Variants in METTL15 observed in about 807,000 individuals in gnomAD.
METTL15 encodes methyltransferase 15, mitochondrial 12S rRNA N4-cytidine, also known as 12S rRNA N(4)-cytidine methyltransferase METTL15.
METTL15 carries 34 observed loss-of-function variants against 38.3 expected under a neutral mutation model. The ratio of observed to expected loss-of-function variants is 0.89; its 90% CI spans 0.68 to 1.18. METTL15 has a LOEUF of 1.18. Among genes scored for constraint, METTL15 ranks in the 50% most tolerant of loss-of-function variants. The pLI is 0.00. For missense variants in METTL15, 438 were observed against 498.4 expected, an observed-to-expected ratio of 0.88 and a Z score of 1.15; for synonymous variants, 162 against 170.9, an observed-to-expected ratio of 0.95 and a Z score of 0.41.
intron 5 of METTL15, among the ~76,000 whole-genome samples, chr11:28,294,572 G>C (rs1479697754): frequency 1.3e-5 from 2 of 152,148 alleles, no homozygotes; most frequent in South Asian, 4.1e-4. Flanking sequence ...GTCTAGTTCT[G>C]TTGGCAGTTA....
chr11:28,350,701 A>G (rs1850033162), intron 3 of METTL15, among the ~76,000 whole-genome samples: 1 of 152,220 alleles, frequency 6.6e-6, no homozygotes, highest in Admixed American at 6.5e-5. Context: ...CATTGTGAAA[A>G]GGGATAAATA....
chr11:28,400,517 T>G (rs1034340779), intron 5 of METTL15, among the ~76,000 whole-genome samples: 1 of 151,958 alleles, frequency 6.6e-6, no homozygotes, highest in Non-Finnish European at 1.5e-5. Context: ...GGAGATCTGA[T>G]GTGGATAAAT....
chr11:28,237,599 A>G lies in METTL15; in HGVS notation c.407+26401A>G, dbSNP rs182421336. ...GATCGTCTGAAGCCTTCTTCTCTCA[A>G]CTCGTCAAAGTCATTCTCCGTCCAG... On this transcript the variant is annotated intron_variant, in intron 4 of 6. Transcript: ENST00000407364. 4.4e-3 allele frequency among the ~76,000 whole-genome samples: 673 copies of G among 151,994 alleles called. 3 individuals carry two copies. The highest frequency in any genetic ancestry group is 0.015 in the African/African-American group (629 of 41,450).
intron 3 of METTL15, among the ~76,000 whole-genome samples, chr11:28,129,343 T>C (rs1343846799): frequency 6.6e-6 from 1 of 152,216 alleles, no homozygotes; most frequent in East Asian, 1.9e-4. Flanking sequence ...TACTTTGACA[T>C]TGGTGTTTGT....
At chr11:28,187,065 C>A (rs1158103720) in intron 3 of METTL15, among the ~76,000 whole-genome samples, 2 of 151,248 alleles carry the variant, frequency 1.3e-5, no homozygotes, top group South Asian at 2.1e-4. Context: ...TTAAACAAAT[C>A]TTTCCTGGAA....
chr11:28,245,922 C>T (rs772625993), intron 4 of METTL15, among the ~76,000 whole-genome samples: 1 of 152,058 alleles, frequency 6.6e-6, no homozygotes, highest in Non-Finnish European at 1.5e-5. Flanking sequence ...AATCACCTCC[C>T]ACTAGACCAC....
chr11:28,512,353 G>A (rs1453318879), intron 6 of METTL15, among the ~76,000 whole-genome samples: 1 of 152,210 alleles, frequency 6.6e-6, no homozygotes, highest in Non-Finnish European at 1.5e-5. Flanking sequence ...GCCCTTGGGT[G>A]GTTGATGGGA....
At chr11:28,132,499 TTC>T (rs112289812) in intron 3 of METTL15, among the ~76,000 whole-genome samples, 21,963 of 152,024 alleles carry the variant, frequency 0.14, 1,773 homozygotes, top group East Asian at 0.28. Flanking sequence ...AAATAATTTC[TTC>T]TCTCTCTCTG....
intron 4 of METTL15, among the ~76,000 whole-genome samples, chr11:28,244,839 C>A (rs1353513404): frequency 6.6e-6 from 1 of 152,128 alleles, no homozygotes; most frequent in African/African-American, 2.4e-5. Context: ...CTGGCTGGGG[C>A]CGAAGCTATG....
chr11:28,167,011 G>A (rs558342376), intron 3 of METTL15, among the ~76,000 whole-genome samples: 28 of 152,134 alleles, frequency 1.8e-4, no homozygotes, highest in Middle Eastern at 3.4e-3. Context: ...TCTATATCCG[G>A]CACTTCTGAC....
At chr11:28,443,588 C>G (rs1489799339) in intron 6 of METTL15, among the ~76,000 whole-genome samples, 2 of 152,116 alleles carry the variant, frequency 1.3e-5, no homozygotes, top group Non-Finnish European at 2.9e-5. Context: ...CAACACACTC[C>G]AAATCTAAGT....
At chr11:28,374,473 T>C (rs1453400973) in intron 5 of METTL15, among the ~76,000 whole-genome samples, 2 of 145,974 alleles carry the variant, frequency 1.4e-5, no homozygotes, top group Non-Finnish European at 3.0e-5. Flanking sequence ...GTTTGTCTGT[T>C]GTTGGTGTAT....
At position 28,351,207 on chromosome 11, in the gene METTL15, G is replaced by T. The variant is rs558897354; in HGVS notation, c.*190-883G>T. Among the ~76,000 whole-genome samples the T allele has an allele frequency of 2.0e-5, 3 of 152,208 alleles. No homozygotes were observed. In the South Asian group the frequency reaches 6.2e-4, roughly 32 times the overall value. On this transcript the variant is annotated intron_variant and NMD_transcript_variant, in intron 3 of 7. Transcript: ENST00000532947. The stretch of plus-strand genomic sequence containing the variant: ...GCTCACTGCAGCCTTCACTTCCCGG[G>T]TTCAAGCTATTCTCCTGTCTCAGCC...
In METTL15 at chr11:28,248,470, C is replaced by T. The variant is rs78293628; in HGVS notation, c.407+37272C>T. On this transcript the variant is annotated intron_variant, in intron 4 of 6. Coordinates refer to ENST00000407364, the MANE Select transcript of METTL15 (RefSeq NM_001113528.2). Reference sequence around the variant, plus strand: ...TGTCTGGGTTTTTAGTTGATTCAGGCCAGTGGATAACTCTGCCCTCTGTTT... The same window carrying T: ...TGTCTGGGTTTTTAGTTGATTCAGGTCAGTGGATAACTCTGCCCTCTGTTT... 1.8e-3 allele frequency among the ~76,000 whole-genome samples: 281 copies of T among 152,112 alleles called. 7 individuals carry two copies. In the East Asian group the frequency reaches 0.052, roughly 28 times the overall value.
chr11:28,350,535 C>A (rs1285274893), intron 3 of METTL15, among the ~76,000 whole-genome samples: 1 of 152,106 alleles, frequency 6.6e-6, no homozygotes, highest in African/African-American at 2.4e-5. Context: ...AAGTTATAAA[C>A]AAAATTACTT....
intron 3 of METTL15, among the ~76,000 whole-genome samples, chr11:28,134,386 G>A (rs559498292): frequency 2.4e-4 from 36 of 152,178 alleles, no homozygotes; most frequent in Non-Finnish European, 4.0e-4. Context: ...CCATTCCCCC[G>A]TGCGTATGTG....
Position 28,240,444 on chromosome 11 carries a change from A to T in METTL15, c.407+29246A>T, listed in dbSNP as rs769044676. ...CTAACAAAATTTCATCAAAACTTAA[A>T]CTCTAATGTGTATTCGCATTCATTT... On this transcript the variant is annotated intron_variant, in intron 4 of 6. Transcript: ENST00000407364. Among the ~76,000 whole-genome samples the T allele has an allele frequency of 3.3e-5, 5 of 152,206 alleles. No individual in the cohort carries two copies. The South Asian group carries it at 8.3e-4, about 25-fold the overall frequency.
intron 3 of METTL15, among the ~76,000 whole-genome samples, chr11:28,179,635 A>G (rs1851210837): frequency 1.3e-5 from 2 of 151,842 alleles, no homozygotes; most frequent in South Asian, 4.1e-4. Flanking sequence ...AATCTATTAT[A>G]TGGCTATACA....
intron 5 of METTL15, among the ~76,000 whole-genome samples, chr11:28,293,431 CA>C (rs1698970542): frequency 6.6e-6 from 1 of 152,140 alleles, no homozygotes; most frequent in African/African-American, 2.4e-5. Context: ...GTTTTGGTAC[CA>C]GTACCATGCT....
Sources: allele counts gnomAD v4.1 joint callset (sites outside exome capture counted in the v4.1 genomes callset), GRCh38; gene constraint gnomAD v4.1.1; transcripts MANE v1.5; gene names NCBI Gene and HGNC (gene_info 2026-07-23, HGNC 2026-07-21).